GPAT2: variants seen among roughly 807,000 people sequenced by gnomAD.
GPAT2 encodes the protein 1-acylglycerol-3-phosphate O-acyltransferase GPAT2.
A neutral mutation model predicts 71.0 loss-of-function variants in GPAT2; 51 were observed. The ratio of observed to expected loss-of-function variants is 0.72; its 90% confidence interval spans 0.57 to 0.91. The LOEUF is 0.91. Ranked by LOEUF, GPAT2 falls within the 40% of genes least tolerant of loss-of-function variation. The probability of loss-of-function intolerance (pLI) is 0.00; values close to 1 mark genes in which losing one functional copy is unlikely to be tolerated. For synonymous variants in GPAT2, 222 were observed against 290.3 expected (o/e 0.76, Z 2.39); for missense variants, 511 against 666.0 (o/e 0.77, Z 2.56).
Position 96,024,499 on chromosome 2 carries a change from C to T in GPAT2, c.1615G>A (p.Gly539Ser). Residue 539 changes from glycine (G) to serine (S), a missense_variant, in exon 15 of 22, where the codon GGC becomes AGC. Physicochemically the swap from Gly to Ser is moderately conservative, Grantham distance 56. Transcript: ENST00000434632. ...TGTGCCAGGTGTGTGAGGCCTGGGC[C>T]AGGCTGCGGCACCACCAGCAAGTCA... ...QGDLLVVPQPGPGLTHLAQLS... is the reference protein window; with the variant it reads ...QGDLLVVPQPSPGLTHLAQLS... 2 of 1,613,950 alleles carry T rather than the reference C, an allele frequency of 1.2e-6. No individual in the cohort carries two copies. Among genetic ancestry groups the T allele is most frequent in the Non-Finnish European group, 1.7e-6 (2 of 1,179,966 alleles).
rs1411637013 is a variant in GPAT2, at chr2:96,024,484, G to A, written c.1630C>T (p.His544Tyr). The A allele has an allele frequency of 1.2e-6, 2 of 1,613,914 alleles. No homozygotes were observed. The highest frequency in any genetic ancestry group is 1.3e-5 in the African/African-American group (1 of 74,916). Residue 544 changes from histidine (H) to tyrosine (Y), a missense_variant, in exon 15 of 22, where the codon CAC becomes TAC. By Grantham distance (83) the His-to-Tyr change is moderately conservative (BLOSUM62 2). Around this residue, in one of 7 missense-constraint regions of GPAT2, gnomAD observed 295 missense variants for 305.5 expected, o/e 0.97. Coordinates refer to ENST00000434632, the MANE Select transcript of GPAT2 (RefSeq NM_001321527.2). ...AGCTCAGCACTCAGTTGTGCCAGGTGTGTGAGGCCTGGGCCAGGCTGCGGC... is the reference window on the plus strand; with the variant it reads ...AGCTCAGCACTCAGTTGTGCCAGGTATGTGAGGCCTGGGCCAGGCTGCGGC... ...VVPQPGPGLT[H>Y]LAQLSAELLP... is the part of the protein sequence containing the mutation.
chr2:96,024,433 C>G lies in GPAT2; in HGVS notation c.1681G>C (p.Val561Leu). ...CGTGCACCTCAAGACTCACCGCCCA[C>G]AGCCTCGCTCAGGAAGACGGGCAGC... ...ELLPVFLSEA[V>L]GACAVRGLLA... Residue 561 changes from valine (V) to leucine (L), a missense_variant, in exon 15 of 22, where the codon GTG (valine) becomes CTG (leucine). Val to Leu is a conservative substitution (Grantham distance 32). This residue lies in a region of GPAT2 where 295 missense variants were observed against 305.5 expected (regional missense o/e 0.97). Coordinates refer to ENST00000434632, the MANE Select transcript of GPAT2 (RefSeq NM_001321527.2). 1 of 1,613,674 alleles carries G rather than the reference C, an allele frequency of 6.2e-7. No individual in the cohort carries two copies. The highest frequency in any genetic ancestry group is 8.5e-7 in the Non-Finnish European group (1 of 1,179,726).
Position 96,024,565 on chromosome 2 carries a change from G to A in GPAT2, c.1549C>T (p.Leu517=), listed in dbSNP as rs1680149869. Reference sequence around the variant, plus strand: ...AGCAGGGCCACGTGCGCCCGCAGCAGGCTCAGTGAGTGCTGCAGCAGGCTC... The same window carrying A: ...AGCAGGGCCACGTGCGCCCGCAGCAAGCTCAGTGAGTGCTGCAGCAGGCTC... The part of the protein sequence containing the change: ...LRSLLQHSLS[L]LRAHVALLRI... Residue 517 remains leucine, a synonymous_variant, in exon 15 of 22, where the codon CTG becomes TTG. Coordinates refer to ENST00000434632, the MANE Select transcript of GPAT2 (RefSeq NM_001321527.2). 2 of 1,613,848 alleles carry A rather than the reference G, an allele frequency of 1.2e-6. No homozygotes were observed. The highest frequency in any genetic ancestry group is 1.3e-5 in the African/African-American group (1 of 75,010).
At position 96,026,258 on chromosome 2, in the gene GPAT2, A is replaced by G. The variant is rs749004703; in HGVS notation, c.1080T>C (p.Arg360=). The G allele has an allele frequency of 1.4e-5, 22 of 1,607,668 alleles. No homozygotes were observed. In the African/African-American group the frequency reaches 2.7e-4, roughly 20 times the overall value. Residue 360 remains arginine, a synonymous_variant, in exon 11 of 22, where the codon CGT becomes CGC. Coordinates refer to ENST00000434632, the MANE Select transcript of GPAT2 (RefSeq NM_001321527.2). ...TGCAGCCCCAGCGGCTCCACAAGCT[A>G]CGTAGGACAGCCAGAGCTCCTGTCC... ...GLWTGALAVL[R]SLWSRWGCSH...
At chr2:96,024,730 A>G (rs746091628) in intron 14 of GPAT2, 43 bp downstream of exon 14, 1 of 1,609,320 alleles carries the variant, frequency 6.2e-7, no homozygotes, top group South Asian at 1.1e-5. Context: ...ACACATCGCC[A>G]CCCCCCCCAC....
rs759128884 is a variant in GPAT2, at chr2:96,023,421, G to A, written c.1934C>T (p.Ala645Val). ...VAEETPGSRP[A>V]CDTGRQRLSR... ...CAATCGCTGTCGCCCTGTGTCACAG[G>A]CTGGCCGGGAGCCTGGGGTCTAGGG... Residue 645 changes from alanine to valine, a missense_variant, in exon 18 of 22, where the codon GCC (alanine) becomes GTC (valine). Transcript: ENST00000434632. 7 of 1,613,918 alleles carry A rather than the reference G, an allele frequency of 4.3e-6. No homozygotes were observed. Among genetic ancestry groups the A allele is most frequent in the African/African-American group, 1.3e-5 (1 of 74,952 alleles).
In GPAT2 at chr2:96,023,415, T is replaced by C. The variant is rs993996396; in HGVS notation, c.1940A>G (p.Asp647Gly). 8.7e-6 allele frequency: 14 copies of C among 1,613,976 alleles called. No individual in the cohort carries two copies. The highest frequency in any genetic ancestry group is 1.2e-5 in the Non-Finnish European group (14 of 1,180,026). Residue 647 changes from aspartate to glycine, a missense_variant, in exon 18 of 22, where the codon GAC becomes GGC. Coordinates refer to ENST00000434632, the MANE Select transcript of GPAT2 (RefSeq NM_001321527.2). ...EETPGSRPACDTGRQRLSRKL... is the reference protein window; with the variant it reads ...EETPGSRPACGTGRQRLSRKL... ...TCTGCTCAATCGCTGTCGCCCTGTGTCACAGGCTGGCCGGGAGCCTGGGGT... is the reference window on the plus strand; with the variant it reads ...TCTGCTCAATCGCTGTCGCCCTGTGCCACAGGCTGGCCGGGAGCCTGGGGT...
chr2:96,022,726 G>C lies in GPAT2; in HGVS notation c.2234-3C>G. 6.2e-7 allele frequency: 1 copy of C among 1,613,990 alleles called. No homozygotes were observed. The highest frequency in any genetic ancestry group is 1.7e-4 in the Middle Eastern group (1 of 6,056). On this transcript the variant is annotated splice_polypyrimidine_tract_variant and splice_region_variant and intron_variant, in intron 20 of 21. Coordinates refer to ENST00000434632, the MANE Select transcript of GPAT2 (RefSeq NM_001321527.2). ...GGCGAGCTTTGGGTCCGCACACTCT[G>C]GAAAGAAGAGAGAAGTGAAGGCTCT...
At position 96,024,615 on chromosome 2, in the gene GPAT2, T is replaced by C; in HGVS notation, c.1499A>G (p.Asp500Gly). 6.2e-7 allele frequency: 1 copy of C among 1,613,612 alleles called. No homozygotes were observed. Residue 500 changes from aspartate to glycine, a missense_variant, in exon 15 of 22, where the codon GAT becomes GGT. Coordinates refer to ENST00000434632, the MANE Select transcript of GPAT2 (RefSeq NM_001321527.2). ...CCGCAGCTGCCCAGAGAAGCCTACA[T>C]CAAAGCCACGCAACAGTATCTCCTC... is the stretch of plus-strand genomic sequence containing the variant. Reference protein sequence around the residue: ...LTEEILLRGFDVGFSGQLRSL... With the variant: ...LTEEILLRGFGVGFSGQLRSL...
rs1303118034 is a variant in GPAT2 at position 96,022,200 on chromosome 2, C to T, written c.2365G>A (p.Glu789Lys). 6.2e-7 allele frequency: 1 copy of T among 1,611,136 alleles called. No homozygotes were observed. The highest frequency in any genetic ancestry group is 2.2e-5 in the East Asian group (1 of 44,878). ...TGCCGGATGAACTGTTCTAGTTTTT[C>T]CTGATTGTCCAGGCTGGCAAAAGTA... is the stretch of plus-strand genomic sequence containing the variant. Reference protein sequence around the residue: ...SPTFASLDNQEKLEQFIRQFI... With the variant: ...SPTFASLDNQKKLEQFIRQFI... The change falls in exon 22 of 22, where the codon GAA becomes AAA. Residue 789 changes from glutamate (E) to lysine (K), a missense_variant. Around this residue, in one of 7 missense-constraint regions of GPAT2, gnomAD observed 108 missense variants for 117.6 expected, o/e 0.92. Transcript: ENST00000434632.
rs902138852 is a variant in GPAT2 at position 96,022,716 on chromosome 2, C to T, written c.2241G>A (p.Ala747=). ...CAGCACTGATGGCGAGCTTTGGGTC[C>T]GCACACTCTGGAAAGAAGAGAGAAG... is the stretch of plus-strand genomic sequence containing the variant. The part of the protein sequence containing the change: ...TAQEEGIFEC[A]DPKLAISAVW... Residue 747 remains alanine (A), a synonymous_variant, in exon 21 of 22, where the codon GCG becomes GCA. Transcript: ENST00000434632. 14 of 1,613,920 alleles carry T rather than the reference C, an allele frequency of 8.7e-6. No homozygotes were observed. The highest frequency in any genetic ancestry group is 5.5e-5 in the South Asian group (5 of 91,074).
At chr2:96,022,807 A>T in intron 20 of GPAT2, 84 bp from the exon 21 acceptor site, 4 of 1,613,686 alleles carry the variant, frequency 2.5e-6, no homozygotes, top group Non-Finnish European at 3.4e-6. Context: ...TGTTTAAAGA[A>T]GCCCAGGGAG....
intron 10 of GPAT2, 180 bp downstream of exon 10, chr2:96,026,517 G>A (rs1367845247): frequency 8.2e-4 from 251 of 304,942 alleles, no homozygotes; most frequent in Non-Finnish European, 1.2e-3. Context: ...GGTCTTCAGA[G>A]GATGAAATGA....
chr2:96,023,234 G>T lies in GPAT2; in HGVS notation c.2047-8C>A. ...GTGTGACTGCTGGCTGAGCTGGAGG[G>T]GACAGGCCGGGGTGAGTGCAGCTCC... On this transcript the variant is annotated splice_region_variant and splice_polypyrimidine_tract_variant and intron_variant, in intron 18 of 21. Transcript: ENST00000434632. The T allele has an allele frequency of 6.2e-7, 1 of 1,611,300 alleles. No homozygotes were observed. Among genetic ancestry groups the T allele is most frequent in the Non-Finnish European group, 8.5e-7 (1 of 1,178,856 alleles).
rs1175321539 is a variant in GPAT2 at position 96,023,002 on chromosome 2, A to G, written c.2189T>C (p.Leu730Pro). The change falls in exon 20 of 22, where the codon CTG (leucine) becomes CCG (proline). Residue 730 changes from leucine to proline, a missense_variant. Physicochemically the swap from Leu to Pro is moderately conservative, Grantham distance 98. Transcript: ENST00000434632. ...GGCGGTGGCCTGCAGGAACTGGAAC[A>G]GCTGCTCTGTGTAGCCCAACTCTGC... is the stretch of plus-strand genomic sequence containing the variant. ...PDTELGYTEQ[L>P]FQFLQATAQE... 1.2e-6 allele frequency: 2 copies of G among 1,614,002 alleles called. No homozygotes were observed. The highest frequency in any genetic ancestry group is 2.2e-5 in the East Asian group (1 of 44,890).
In GPAT2 at chr2:96,025,980, G is replaced by A. The variant is rs746992961; in HGVS notation, c.1188C>T (p.Gly396=). The change falls in exon 12 of 22, where the codon GGC becomes GGT. Residue 396 remains glycine (G), a synonymous_variant. Coordinates refer to ENST00000434632, the MANE Select transcript of GPAT2 (RefSeq NM_001321527.2). ...GTAGCTGCTCCAGGGTCTGTCTGCC[G>A]CCCCAGCAGCTTCTGGCACTGACGA... ...EYIVSARSCW[G]GRQTLEQLLQ... is the part of the protein sequence containing the mutation. The A allele has an allele frequency of 3.3e-5, 53 of 1,612,558 alleles. No individual in the cohort carries two copies. Among genetic ancestry groups the A allele is most frequent in the Middle Eastern group, 1.9e-4 (1 of 5,332 alleles).
rs201106021 is a variant in GPAT2, at chr2:96,023,298, T to C, written c.2046+11A>G. ...ACCACCTCCCTCCAGGGGCAGCTTT[T>C]TGAAACACACCCTGAAGTACCGGCC... On this transcript the variant is annotated intron_variant, in intron 18 of 21. Transcript: ENST00000434632. The C allele has an allele frequency of 5.3e-5, 85 of 1,614,142 alleles. No individual in the cohort carries two copies. The highest frequency in any genetic ancestry group is 1.6e-4 in the Middle Eastern group (1 of 6,062).
Position 96,025,145 on chromosome 2 carries a change from C to T in GPAT2, c.1358-302G>A, listed in dbSNP as rs964515989. The T allele has an allele frequency of 4.7e-5, 27 of 578,396 alleles. No homozygotes were observed. In the African/African-American group the frequency reaches 4.7e-4, roughly 10 times the overall value. The allele number at this position is 578,396 out of a possible 1,614,324, so 35.8% of individuals were successfully genotyped here. On this transcript the variant is annotated intron_variant, in intron 13 of 21. Transcript: ENST00000434632. The stretch of plus-strand genomic sequence containing the variant: ...CTCTGTGGAGGCGCTGTGCTAAGCC[C>T]CTTACACGTATCATTCCATTCAGTT...
chr2:96,022,301 G>C (rs777832414), intron 21 of GPAT2, 26 bp from the exon 22 acceptor site: 1 of 1,566,056 alleles, frequency 6.4e-7, no homozygotes, highest in Admixed American at 1.9e-5. Flanking sequence ...TAAGCCGTGA[G>C]TGCGCTCACC....
Sources: gnomAD v4.1 joint callset for allele counts on GRCh38, gnomAD v4.1.1 for gene constraint, gnomAD v4.1.1 regional missense constraint, MANE v1.5 for transcripts, NCBI Gene and HGNC (gene_info 2026-07-23, HGNC 2026-07-21) for gene names.